Variants in CSMD3 observed in about 807,000 individuals in gnomAD.
CSMD3 encodes the protein CUB and sushi domain-containing protein 3.
A neutral mutation model predicts 435.2 loss-of-function variants in CSMD3; 177 were observed. That is an observed-to-expected ratio of 0.41 (90% CI 0.36 to 0.46). The LOEUF (loss-of-function observed/expected upper bound fraction) is 0.46, where lower values mean the gene tolerates loss of function less well. Among genes scored for constraint, CSMD3 ranks in the 20% least tolerant of loss-of-function variants. The pLI is 0.34. For missense variants in CSMD3, 4,265 were observed against 4,504.6 expected (o/e 0.95, Z 1.52); for synonymous variants, 1,656 against 1,520.5 (o/e 1.09, Z -2.07).
At chr8:112,861,879 A>G (rs1160978981) in intron 10 of CSMD3, among the ~76,000 whole-genome samples, 1 of 151,964 alleles carries the variant, frequency 6.6e-6, no homozygotes, top group Non-Finnish European at 1.5e-5. Flanking sequence ...TCTAAACTAT[A>G]TACACACTTA....
At position 112,807,532 on chromosome 8, in the gene CSMD3, G is replaced by T. The variant is rs528386483; in HGVS notation, c.1860-7258C>A. On this transcript the variant is annotated intron_variant, in intron 12 of 70. Transcript: ENST00000297405. ...GGTAGGTAGGTAGGTAGGTAGGTAGGTAGGTAGGAAATACATGTTTGGTGT... is the reference window on the plus strand; with the variant it reads ...GGTAGGTAGGTAGGTAGGTAGGTAGTTAGGTAGGAAATACATGTTTGGTGT... 3.4e-5 allele frequency among the ~76,000 whole-genome samples: 5 copies of T among 148,138 alleles called. No homozygotes were observed. In the East Asian group the frequency reaches 9.8e-4, roughly 29 times the overall value.
chr8:113,433,963 C>T (rs550483466), intron 1 of CSMD3, among the ~76,000 whole-genome samples: 1 of 152,240 alleles, frequency 6.6e-6, no homozygotes, highest in East Asian at 1.9e-4. Flanking sequence ...CTGTCCCACG[C>T]CTCAGTTTGG....
At chr8:113,356,297 C>T (rs1268060823) in intron 1 of CSMD3, among the ~76,000 whole-genome samples, 1 of 151,992 alleles carries the variant, frequency 6.6e-6, no homozygotes, top group Non-Finnish European at 1.5e-5. Flanking sequence ...AAAATGACCA[C>T]AGAGGAGGAA....
chr8:112,789,235 G>C (rs911356536), intron 13 of CSMD3, among the ~76,000 whole-genome samples: 1 of 152,002 alleles, frequency 6.6e-6, no homozygotes, highest in Non-Finnish European at 1.5e-5. Flanking sequence ...TTCATACAAA[G>C]AACATTTGTC....
intron 3 of CSMD3, among the ~76,000 whole-genome samples, chr8:113,185,403 CAT>C (rs901803293): frequency 1.1e-4 from 16 of 152,036 alleles, no homozygotes; most frequent in African/African-American, 3.6e-4. Flanking sequence ...GCAATAATCA[CAT>C]AGTCATACCA....
At chr8:113,356,279 T>C (rs2094227151) in intron 1 of CSMD3, among the ~76,000 whole-genome samples, 1 of 152,092 alleles carries the variant, frequency 6.6e-6, no homozygotes, top group Non-Finnish European at 1.5e-5. Flanking sequence ...ATTCTTAAAT[T>C]AATGCATAAA....
intron 13 of CSMD3, among the ~76,000 whole-genome samples, chr8:112,753,620 T>A (rs904591944): frequency 1.3e-5 from 2 of 152,162 alleles, no homozygotes; most frequent in African/African-American, 4.8e-5. Context: ...TTAAATGATT[T>A]TATAAAAGAT....
intron 1 of CSMD3, among the ~76,000 whole-genome samples, chr8:113,320,144 A>C (rs2132702388): frequency 6.6e-6 from 1 of 152,200 alleles, no homozygotes; most frequent in Admixed American, 6.5e-5. Flanking sequence ...AAGTAAAACT[A>C]AATATAGATT....
At chr8:112,927,773 C>T (rs957130307) in intron 9 of CSMD3, among the ~76,000 whole-genome samples, 1 of 151,960 alleles carries the variant, frequency 6.6e-6, no homozygotes, top group South Asian at 2.1e-4. Flanking sequence ...CATTCTTTTG[C>T]AGAAATAATG....
chr8:112,842,901 TA>T (rs1299928874), intron 11 of CSMD3, among the ~76,000 whole-genome samples: 2 of 151,866 alleles, frequency 1.3e-5, no homozygotes, highest in East Asian at 1.9e-4. Context: ...CTCGTGATGT[TA>T]AAAAAACTAT....
intron 3 of CSMD3, among the ~76,000 whole-genome samples, chr8:113,209,011 ATC>A (rs2092802416): frequency 6.6e-6 from 1 of 152,198 alleles, no homozygotes; most frequent in African/African-American, 2.4e-5. Flanking sequence ...GTTATAAAAG[ATC>A]ATGAATAAGC....
At chr8:113,253,677 T>A (rs1319634496) in intron 3 of CSMD3, among the ~76,000 whole-genome samples, 2 of 151,420 alleles carry the variant, frequency 1.3e-5, no homozygotes, top group Non-Finnish European at 2.9e-5. Flanking sequence ...CCGTCTATAC[T>A]AAAAACACAA....
chr8:113,244,772 G>A (rs2093258539), intron 3 of CSMD3, among the ~76,000 whole-genome samples: 1 of 151,930 alleles, frequency 6.6e-6, no homozygotes, highest in African/African-American at 2.4e-5. Context: ...TTTTTTTCTT[G>A]TGTTTTTGAG....
chr8:112,492,258 C>T lies in CSMD3; in HGVS notation c.5278+231G>A, dbSNP rs559995763. ...AGTAACCCAGTTCTCAGAAAGTTTG[C>T]CTATTATAGTACACATATTGCTTTA... On this transcript the variant is annotated intron_variant, in intron 31 of 70. Coordinates refer to ENST00000297405, the MANE Select transcript of CSMD3 (RefSeq NM_198123.2). 7.9e-5 allele frequency among the ~76,000 whole-genome samples: 12 copies of T among 152,174 alleles called. No individual in the cohort carries two copies. The South Asian group carries it at 2.5e-3, about 32-fold the overall frequency.
At chr8:112,676,056 T>C (rs540964263) in intron 16 of CSMD3, among the ~76,000 whole-genome samples, 1 of 152,228 alleles carries the variant, frequency 6.6e-6, no homozygotes, top group Non-Finnish European at 1.5e-5. Context: ...AGAGTTGCTA[T>C]TAATAATGGA....
At chr8:112,416,856 A>C (rs1387884956) in intron 32 of CSMD3, among the ~76,000 whole-genome samples, 1 of 152,128 alleles carries the variant, frequency 6.6e-6, no homozygotes. Flanking sequence ...GAAGAGATTC[A>C]AATCCTATGT....
intron 1 of CSMD3, among the ~76,000 whole-genome samples, chr8:113,393,693 C>G (rs747327192): frequency 6.6e-6 from 1 of 152,052 alleles, no homozygotes; most frequent in Non-Finnish European, 1.5e-5. Context: ...AACTTGGAAG[C>G]ATGCATACAT....
At chr8:113,388,685 GA>G (rs931851772) in intron 1 of CSMD3, among the ~76,000 whole-genome samples, 7 of 151,642 alleles carry the variant, frequency 4.6e-5, no homozygotes, top group African/African-American at 1.7e-4. Flanking sequence ...TCAATCTAAA[GA>G]AAAACATTTA....
intron 3 of CSMD3, among the ~76,000 whole-genome samples, chr8:113,191,762 T>C (rs1038107105): frequency 2.0e-5 from 3 of 151,768 alleles, no homozygotes; most frequent in Non-Finnish European, 4.4e-5. Flanking sequence ...TATTTTCCTT[T>C]GGGTATATAC....
Sources: gnomAD v4.1 joint callset for allele counts (sites outside exome capture counted in the v4.1 genomes callset) on GRCh38, gnomAD v4.1.1 for gene constraint, MANE v1.5 for transcripts, NCBI Gene and HGNC (gene_info 2026-07-23, HGNC 2026-07-21) for gene names.